Variants in CFAP61 observed in about 807,000 individuals in gnomAD.
The protein encoded by CFAP61 is cilia- and flagella-associated protein 61.
Under a neutral mutation model 135.6 loss-of-function variants are expected in CFAP61, and 107 were observed. The observed-to-expected ratio is 0.79, with a 90% CI of 0.67 to 0.93. The LOEUF is 0.93. Among genes scored for constraint, CFAP61 ranks in the 40% least tolerant of loss-of-function variants. CFAP61 has a pLI of 0.00. For missense variants in CFAP61, 1,507 were observed against 1,556.2 expected (o/e 0.97, Z 0.53); for synonymous variants, 575 against 578.5 (o/e 0.99, Z 0.09).
intron 18 of CFAP61, among the ~76,000 whole-genome samples, chr20:20,237,941 TAC>T (rs1458898510): frequency 6.6e-6 from 1 of 152,236 alleles, no homozygotes; most frequent in African/African-American, 2.4e-5. Flanking sequence ...CTCCAACCAC[TAC>T]AGTGTTGGTG....
intron 18 of CFAP61, among the ~76,000 whole-genome samples, chr20:20,241,750 C>G (rs2050026138): frequency 6.6e-6 from 1 of 152,008 alleles, no homozygotes; most frequent in African/African-American, 2.4e-5. Context: ...GCACCCAAAG[C>G]TGGGGTAAAT....
intron 25 of CFAP61, among the ~76,000 whole-genome samples, chr20:20,306,733 C>G (rs554502038): frequency 6.6e-6 from 1 of 152,092 alleles, no homozygotes; most frequent in East Asian, 1.9e-4. Context: ...GTTGCCCTTT[C>G]CAGGCAGGCA....
At chr20:20,087,901 AGACTTAATGCATTTAT>A (rs2046920948) in intron 6 of CFAP61, among the ~76,000 whole-genome samples, 1 of 151,988 alleles carries the variant, frequency 6.6e-6, no homozygotes, top group Admixed American at 6.6e-5. Context: ...GAGCACCATA[AGACTTAATGCATTTAT>A]GGTGGCGCCT....
In CFAP61 at chr20:20,191,412, A is replaced by G. The variant is rs751468176; in HGVS notation, c.1583A>G (p.Asn528Ser). Residue 528 changes from asparagine (N) to serine (S), a missense_variant, in exon 15 of 27, where the codon AAT becomes AGT. Asn to Ser is a conservative substitution (Grantham distance 46). Transcript: ENST00000245957. ...ATAGTTGGTATTGCAGTGATCAGAA[A>G]TGAAATGGTAAATTGTGAAGTGGAT... ...EQIVGIAVIR[N>S]EMDIEYIRSH... is the part of the protein sequence containing the mutation. 8.1e-6 allele frequency: 13 copies of G among 1,607,120 alleles called. No homozygotes were observed. The highest frequency in any genetic ancestry group is 1.0e-5 in the Non-Finnish European group (12 of 1,175,070).
At chr20:20,227,763 G>A (rs114734527) in intron 17 of CFAP61, among the ~76,000 whole-genome samples, 3,082 of 152,252 alleles carry the variant, frequency 0.02, 99 homozygotes, top group African/African-American at 0.069. Context: ...AAGACACCGC[G>A]TTAAGTAACG....
At chr20:20,166,940 AC>A (rs1349933596) in intron 12 of CFAP61, among the ~76,000 whole-genome samples, 6 of 152,310 alleles carry the variant, frequency 3.9e-5, no homozygotes, top group Admixed American at 2.0e-4. Flanking sequence ...ATATCCAAGT[AC>A]AAATAAGATT....
intron 17 of CFAP61, chr20:20,215,015 A>G (rs765157181): frequency 6.6e-6 from 1 of 152,354 alleles, no homozygotes; most frequent in South Asian, 2.1e-4. Context: ...TCTCTTATTC[A>G]GTCACTTCTT....
chr20:20,106,049 T>TATAA (rs1728435637), intron 8 of CFAP61, among the ~76,000 whole-genome samples: 1 of 105,966 alleles, frequency 9.4e-6, no homozygotes, highest in African/African-American at 5.3e-5. Flanking sequence ...TATATATATA[T>TATAA]AAAATTTGAT....
chr20:20,185,890 T>C (rs2055462568), intron 13 of CFAP61, among the ~76,000 whole-genome samples: 1 of 152,232 alleles, frequency 6.6e-6, no homozygotes, highest in African/African-American at 2.4e-5. Context: ...TTTCTCATGA[T>C]TTTTGCCTTA....
In CFAP61 at chr20:20,320,435, AATATATGTAATATATATT is replaced by A. The variant is rs2057425626; in HGVS notation, c.3423-21379_3423-21362del. On this transcript the variant is annotated intron_variant, in intron 25 of 26. Coordinates refer to ENST00000245957, the MANE Select transcript of CFAP61 (RefSeq NM_015585.4). ...GTAATATATATTATATATGTAATAT[AATATATGTAATATATATT>A]ATATATGTAATATATAATATATGTA... 3.8e-5 allele frequency among the ~76,000 whole-genome samples: 4 copies of A among 105,576 alleles called. 2 individuals carry two copies. Among genetic ancestry groups the A allele is most frequent in the African/African-American group, 1.2e-4 (2 of 16,406 alleles). 69.3% of individuals were successfully genotyped at this position (105,576 alleles called of 152,430 possible). A position where few individuals can be genotyped will look rare whatever the true frequency, so the allele number is the denominator to read the frequency against.
rs1016118873 is a variant in CFAP61 at position 20,128,858 on chromosome 20, G to A, written c.860-13999G>A. 9.9e-5 allele frequency among the ~76,000 whole-genome samples: 15 copies of A among 151,206 alleles called. 1 individual carries two copies. The highest frequency in any genetic ancestry group is 3.9e-4 in the Admixed American group (6 of 15,218). ...TTTTAAAAGATGACAGCTTACCTTCGATCACAAAAAATAAAATCAAAGAAA... is the reference window on the plus strand; with the variant it reads ...TTTTAAAAGATGACAGCTTACCTTCAATCACAAAAAATAAAATCAAAGAAA... On this transcript the variant is annotated intron_variant, in intron 8 of 26. Coordinates refer to ENST00000245957, the MANE Select transcript of CFAP61 (RefSeq NM_015585.4).
intron 21 of CFAP61, among the ~76,000 whole-genome samples, chr20:20,272,039 A>G (rs2053398535): frequency 6.6e-6 from 1 of 152,256 alleles, no homozygotes; most frequent in Non-Finnish European, 1.5e-5. Context: ...AATGGTAGGT[A>G]TACATGAATT....
intron 9 of CFAP61, among the ~76,000 whole-genome samples, chr20:20,145,474 C>G (rs1406542752): frequency 2.0e-5 from 3 of 151,926 alleles, no homozygotes; most frequent in Non-Finnish European, 4.4e-5. Context: ...AAAAAGGGAG[C>G]AAAGACTAGA....
intron 21 of CFAP61, chr20:20,265,688 A>C: frequency 1.8e-6 from 1 of 563,774 alleles, no homozygotes; most frequent in Non-Finnish European, 3.2e-6. Flanking sequence ...GGTGCTCTTA[A>C]CACTGAAATG....
At chr20:20,096,313 A>C (rs1207859172) in intron 7 of CFAP61, among the ~76,000 whole-genome samples, 1 of 152,250 alleles carries the variant, frequency 6.6e-6, no homozygotes, top group Non-Finnish European at 1.5e-5. Flanking sequence ...TGTAATTGTG[A>C]ACTTTTGTAA....
At chr20:20,354,770 G>A (rs1432419348) in intron 26 of CFAP61, among the ~76,000 whole-genome samples, 1 of 149,678 alleles carries the variant, frequency 6.7e-6, no homozygotes, top group South Asian at 2.1e-4. Context: ...AAGGGAGGTG[G>A]TCACGCTGAG....
intron 23 of CFAP61, among the ~76,000 whole-genome samples, chr20:20,289,942 T>C (rs1474715653): frequency 6.6e-6 from 1 of 152,210 alleles, no homozygotes; most frequent in Non-Finnish European, 1.5e-5. Context: ...GGAGAAGTGA[T>C]GAGGAATAGG....
chr20:20,148,910 A>G (rs897847491), intron 9 of CFAP61, among the ~76,000 whole-genome samples: 6 of 152,166 alleles, frequency 3.9e-5, no homozygotes, highest in Non-Finnish European at 7.4e-5. Flanking sequence ...TCCTCATTCA[A>G]TATGATGTTG....
chr20:20,261,196 T>C (rs1402784177), intron 20 of CFAP61, among the ~76,000 whole-genome samples: 4 of 152,236 alleles, frequency 2.6e-5, no homozygotes, highest in Non-Finnish European at 5.9e-5. Context: ...TAATCTAGTT[T>C]GAAATTGCAT....
Sources: gnomAD v4.1 joint callset for allele counts (sites outside exome capture counted in the v4.1 genomes callset) on GRCh38, gnomAD v4.1.1 for gene constraint, MANE v1.5 for transcripts, NCBI Gene and HGNC (gene_info 2026-07-23, HGNC 2026-07-21) for gene names.